Variants in RXRG observed in about 807,000 individuals in gnomAD.
RXRG encodes the protein retinoid X receptor gamma.
A neutral mutation model predicts 49.2 loss-of-function variants in RXRG; 19 were observed. The observed-to-expected ratio is 0.39, with a 90% CI of 0.27 to 0.57. RXRG has a LOEUF of 0.57. Among genes scored for constraint, RXRG ranks in the 20% least tolerant of loss-of-function variants. The probability of loss-of-function intolerance (pLI) is 0.64; values close to 1 mark genes in which losing one functional copy is unlikely to be tolerated. For synonymous variants in RXRG, 224 were observed against 216.6 expected, an observed-to-expected ratio of 1.03 and a Z score of -0.30; for missense variants, 452 against 592.5, an observed-to-expected ratio of 0.76 and a Z score of 2.46.
At chr1:165,434,738 T>C (rs1311579927) in intron 1 of RXRG, among the ~76,000 whole-genome samples, 1 of 152,224 alleles carries the variant, frequency 6.6e-6, no homozygotes, top group African/African-American at 2.4e-5. Flanking sequence ...AGCCTGTCTC[T>C]GTTCCTCCAG....
intron 1 of RXRG, among the ~76,000 whole-genome samples, chr1:165,431,719 G>A (rs958724069): frequency 2.6e-5 from 4 of 152,164 alleles, no homozygotes; most frequent in African/African-American, 9.7e-5. Context: ...GGCCTAGACT[G>A]AGGGCACAGG....
intron 3 of RXRG, among the ~76,000 whole-genome samples, chr1:165,418,698 C>G (rs1026269672): frequency 2.0e-5 from 3 of 152,172 alleles, no homozygotes; most frequent in Non-Finnish European, 4.4e-5. Flanking sequence ...AAATATTTGT[C>G]TTAGAGAAAT....
intron 4 of RXRG, among the ~76,000 whole-genome samples, chr1:165,414,801 T>G (rs1658076662): frequency 6.6e-6 from 1 of 152,200 alleles, no homozygotes; most frequent in Non-Finnish European, 1.5e-5. Context: ...TTGATCCCAC[T>G]GCCACAGCAA....
At chr1:165,437,206 A>G in intron 1 of RXRG, 2 of 1,367,680 alleles carry the variant, frequency 1.5e-6, no homozygotes, top group Non-Finnish European at 2.0e-6. Flanking sequence ...AACACCCTAG[A>G]CCAAGAAGAA....
intron 2 of RXRG, among the ~76,000 whole-genome samples, chr1:165,426,613 C>G (rs1311820290): frequency 2.0e-5 from 3 of 152,210 alleles, no homozygotes; most frequent in Non-Finnish European, 4.4e-5. Flanking sequence ...CACTGAAGTT[C>G]TCTCTGGAGT....
At chr1:165,404,052 T>C (rs1214595479) in intron 9 of RXRG, among the ~76,000 whole-genome samples, 4 of 152,232 alleles carry the variant, frequency 2.6e-5, no homozygotes, top group East Asian at 3.9e-4. Flanking sequence ...CCTTGTGACA[T>C]GCACTTCTGA....
chr1:165,440,745 G>A (rs188195), intron 1 of RXRG, among the ~76,000 whole-genome samples: 2 of 152,032 alleles, frequency 1.3e-5, no homozygotes, highest in African/African-American at 4.8e-5. Context: ...GCTTCCTCTG[G>A]GAGCCCCTGG....
chr1:165,409,755 C>T (rs10918172), intron 6 of RXRG, 65 bp from the exon 7 acceptor site: 229,207 of 1,344,172 alleles, frequency 0.17, 20,994 homozygotes, highest in Non-Finnish European at 0.19. Flanking sequence ...TTATAATCAC[C>T]CAAGGCATGT....
At chr1:165,407,135 C>T (rs1220416267) in intron 8 of RXRG, among the ~76,000 whole-genome samples, 1 of 152,166 alleles carries the variant, frequency 6.6e-6, no homozygotes, top group African/African-American at 2.4e-5. Flanking sequence ...CATGAATAGG[C>T]AAATGTACCC....
At chr1:165,432,374 A>G (rs1658697016) in intron 1 of RXRG, among the ~76,000 whole-genome samples, 1 of 152,362 alleles carries the variant, frequency 6.6e-6, no homozygotes, top group South Asian at 2.1e-4. Flanking sequence ...TAAAAGACAA[A>G]TACATCTTAG....
chr1:165,429,758 G>A (rs926958207), intron 1 of RXRG, among the ~76,000 whole-genome samples: 1 of 152,180 alleles, frequency 6.6e-6, no homozygotes, highest in African/African-American at 2.4e-5. Flanking sequence ...TCCAAGAATA[G>A]AATGCTGCAG....
chr1:165,444,784 C>T (rs1659108377), intron 1 of RXRG, 61 bp downstream of exon 1: 1 of 1,395,490 alleles, frequency 7.2e-7, no homozygotes, highest in Non-Finnish European at 1.0e-6. Flanking sequence ...ATTCGTATTT[C>T]CCAATTTCTT....
At chr1:165,439,428 A>G (rs981454739) in intron 1 of RXRG, among the ~76,000 whole-genome samples, 2 of 152,176 alleles carry the variant, frequency 1.3e-5, no homozygotes, top group Non-Finnish European at 2.9e-5. Flanking sequence ...TCTGGGGGCT[A>G]CATGAATCCA....
At chr1:165,427,006 C>A (rs778237336) in intron 2 of RXRG, among the ~76,000 whole-genome samples, 1 of 152,160 alleles carries the variant, frequency 6.6e-6, no homozygotes, top group Non-Finnish European at 1.5e-5. Context: ...CTTTTTTGTT[C>A]TATTCAGATC....
Position 165,428,740 on chromosome 1 carries a change from C to G in RXRG, c.276G>C (p.Leu92Phe), listed in dbSNP as rs1658571229. Residue 92 changes from leucine (L) to phenylalanine (F), a missense_variant, in exon 2 of 10, where the codon TTG becomes TTC. Transcript: ENST00000359842. The stretch of plus-strand genomic sequence containing the variant: ...TTACCTGAGAGCTGGGTGGGGCAAC[C>G]AAGTTGATTCCTGGAGGCGCTGCAA... ...GALAAPPGIN[L>F]VAPPSSQLNV... The G allele has an allele frequency of 4.4e-6, 7 of 1,601,024 alleles. No homozygotes were observed. Among genetic ancestry groups the G allele is most frequent in the Non-Finnish European group, 6.0e-6 (7 of 1,170,458 alleles).
intron 4 of RXRG, 46 bp from the exon 5 acceptor site, chr1:165,411,155 A>T (rs1175263859): frequency 6.3e-7 from 1 of 1,582,564 alleles, no homozygotes; most frequent in Admixed American, 1.8e-5. Flanking sequence ...TGCCCAGGAC[A>T]ACAGTGGGAA....
chr1:165,430,701 A>C (rs998524843), intron 1 of RXRG, among the ~76,000 whole-genome samples: 1 of 152,282 alleles, frequency 6.6e-6, no homozygotes, highest in Non-Finnish European at 1.5e-5. Context: ...CAAAGTGGTT[A>C]AAATTAATAA....
intron 4 of RXRG, among the ~76,000 whole-genome samples, chr1:165,414,269 T>TA (rs1038239985): frequency 6.6e-6 from 1 of 152,202 alleles, no homozygotes; most frequent in Non-Finnish European, 1.5e-5. Flanking sequence ...CACATTCTTT[T>TA]AAAAAATGCA....
intron 6 of RXRG, 25 bp downstream of exon 6, chr1:165,410,676 GA>G: frequency 1.9e-6 from 3 of 1,610,780 alleles, no homozygotes; most frequent in Non-Finnish European, 2.5e-6. Context: ...ATTGTCCCAG[GA>G]AAAAAGGCAG....
Sources: gnomAD v4.1 joint callset for allele counts (sites outside exome capture counted in the v4.1 genomes callset) on GRCh38, gnomAD v4.1.1 for gene constraint, MANE v1.5 for transcripts, NCBI Gene and HGNC (gene_info 2026-07-23, HGNC 2026-07-21) for gene names.